Variants in ABCG8 observed in about 807,000 individuals in gnomAD.
ABCG8 encodes ATP-binding cassette sub-family G member 8.
ABCG8 carries 81 observed loss-of-function variants against 71.3 expected under a neutral mutation model. The observed-to-expected ratio is 1.14, with a 90% CI of 0.95 to 1.37. The LOEUF is 1.37. Among genes scored for constraint, ABCG8 ranks in the 40% most tolerant of loss-of-function variants. The pLI is 0.00. For missense variants in ABCG8, 1,119 were observed against 866.2 expected (o/e 1.29, Z -3.66); for synonymous variants, 451 against 354.7 (o/e 1.27, Z -3.05).
rs758178357 is a variant in ABCG8, at chr2:43,851,595, G to C, written c.334G>C (p.Ala112Pro). ...AIIGSSGCGR[A>P]SLLDVITGRG... ...TGGTGGCTTTGCAGGTTGTGGGAGA[G>C]CCTCCTTGCTAGATGTGATCACTGG... The change falls in exon 4 of 13, where the codon GCC (alanine) becomes CCC (proline). Residue 112 changes from alanine to proline, a missense_variant. Transcript: ENST00000272286. 2 of 1,614,244 alleles carry C rather than the reference G, an allele frequency of 1.2e-6. No homozygotes were observed. Among genetic ancestry groups the C allele is most frequent in the South Asian group, 1.1e-5 (1 of 91,090 alleles).
intron 8 of ABCG8, 125 bp from the exon 9 acceptor site, chr2:43,873,662 A>G: frequency 1.1e-6 from 1 of 900,616 alleles, no homozygotes; most frequent in Non-Finnish European, 1.8e-6. Flanking sequence ...CCACTCTATG[A>G]GGCAGGTATT....
intron 1 of ABCG8, among the ~76,000 whole-genome samples, chr2:43,842,518 TC>T (rs1007849774): frequency 1.3e-5 from 2 of 152,076 alleles, no homozygotes; most frequent in African/African-American, 4.8e-5. Flanking sequence ...TCAACCTCCC[TC>T]CTGCTTGGGG....
chr2:43,848,595 G>C (rs1219907187), intron 3 of ABCG8: 1 of 152,214 alleles, frequency 6.6e-6, no homozygotes, highest in Non-Finnish European at 1.5e-5. Flanking sequence ...CTGAGCAGCT[G>C]AAATTATTAA....
intron 6 of ABCG8, among the ~76,000 whole-genome samples, chr2:43,866,089 T>TG (rs1669524046): frequency 6.6e-6 from 1 of 151,988 alleles, no homozygotes; most frequent in Non-Finnish European, 1.5e-5. Flanking sequence ...AAACAAGCAA[T>TG]GGGGAAAGGA....
chr2:43,865,149 T>C (rs528016335), intron 6 of ABCG8, among the ~76,000 whole-genome samples: 68 of 151,694 alleles, frequency 4.5e-4, no homozygotes, highest in South Asian at 4.4e-3. Flanking sequence ...CATGGAACTC[T>C]CACTATCTGT....
chr2:43,840,812 C>T (rs908665793), intron 1 of ABCG8, among the ~76,000 whole-genome samples: 12 of 152,312 alleles, frequency 7.9e-5, no homozygotes, highest in Non-Finnish European at 1.5e-4. Context: ...GGGCCCTCAA[C>T]ACCCTGGATG....
At chr2:43,853,792 A>C (rs989519857) in intron 6 of ABCG8, among the ~76,000 whole-genome samples, 3 of 152,186 alleles carry the variant, frequency 2.0e-5, no homozygotes, top group African/African-American at 7.2e-5. Flanking sequence ...AAGGCACAGA[A>C]CTGGGACTGG....
At chr2:43,847,403 T>G (rs1330585319) in intron 3 of ABCG8, 1 of 152,044 alleles carries the variant, frequency 6.6e-6, no homozygotes, top group Non-Finnish European at 1.5e-5. Context: ...AATCCTGACC[T>G]AAATAAGAAA....
intron 1 of ABCG8, among the ~76,000 whole-genome samples, chr2:43,841,531 G>A (rs1015766623): frequency 6.6e-6 from 1 of 152,138 alleles, no homozygotes; most frequent in Admixed American, 6.5e-5. Flanking sequence ...AACAGAGGTC[G>A]TCCCCAACCC....
At chr2:43,865,106 C>G (rs4603817) in intron 6 of ABCG8, among the ~76,000 whole-genome samples, 66,046 of 151,226 alleles carry the variant, frequency 0.44, 15,148 homozygotes, top group East Asian at 0.86. Context: ...CTGGATAGAA[C>G]GCTCACTGTC....
chr2:43,858,743 T>G (rs72496671), intron 6 of ABCG8, among the ~76,000 whole-genome samples: 1 of 146,594 alleles, frequency 6.8e-6, no homozygotes, highest in East Asian at 2.1e-4. Flanking sequence ...GAACTCTCAC[T>G]ATCTGGATAG....
chr2:43,880,362 C>T lies in ABCG8; in HGVS notation c.*2449C>T, dbSNP rs950423841. ...CTAATTTTTGTATTTTTAGTAAAGA[C>T]AGTGTTTCACCATATTGGCCAGACT... On this transcript the variant is annotated 3_prime_UTR_variant, in exon 13 of 13. Coordinates refer to ENST00000272286, the MANE Select transcript of ABCG8 (RefSeq NM_022437.3). 3.3e-5 allele frequency: 5 copies of T among 152,016 alleles called. No individual in the cohort carries two copies. The highest frequency in any genetic ancestry group is 3.9e-4 in the East Asian group (2 of 5,168). 9.4% of individuals were successfully genotyped at this position (152,016 alleles called of 1,614,324 possible). A position where few individuals can be genotyped will look rare whatever the true frequency, so the allele number is the denominator to read the frequency against.
chr2:43,854,270 G>T (rs1669024783), intron 6 of ABCG8, among the ~76,000 whole-genome samples: 1 of 152,146 alleles, frequency 6.6e-6, no homozygotes, highest in Non-Finnish European at 1.5e-5. Context: ...TGCACACTAG[G>T]GGGCCACATC....
chr2:43,874,454 T>C lies in ABCG8; in HGVS notation c.1459T>C (p.Tyr487His). 1.2e-6 allele frequency: 2 copies of C among 1,613,968 alleles called. No individual in the cohort carries two copies. The highest frequency in any genetic ancestry group is 8.5e-7 in the Non-Finnish European group (1 of 1,179,918). Residue 487 changes from tyrosine to histidine, a missense_variant, in exon 10 of 13, where the codon TAC (tyrosine) becomes CAC (histidine). Tyr to His is a moderately conservative substitution (Grantham distance 83, BLOSUM62 2). Transcript: ENST00000272286. ...MLYYELEDGL[Y>H]TTGPYFFAKI... ...TTACTATGAACTGGAAGACGGGCTG[T>C]ACACCACTGGTCCATATTTCTTTGC...
Position 43,880,764 on chromosome 2 carries a change from G to A in ABCG8, c.*2851G>A, listed in dbSNP as rs561534732. On this transcript the variant is annotated 3_prime_UTR_variant, in exon 13 of 13. Coordinates refer to ENST00000272286, the MANE Select transcript of ABCG8 (RefSeq NM_022437.3). ...TCCAGCATCACAGAGTTGATCCTAG[G>A]TTCTTCCCTCTTCTCTAATTGTGAG... The A allele has an allele frequency of 2.3e-4, 35 of 152,310 alleles. No individual in the cohort carries two copies. The highest frequency in any genetic ancestry group is 8.4e-4 in the African/African-American group (35 of 41,574). 9.4% of individuals were successfully genotyped at this position (152,310 alleles called of 1,614,324 possible).
intron 1 of ABCG8, among the ~76,000 whole-genome samples, chr2:43,842,086 A>T (rs962944720): frequency 6.6e-6 from 1 of 151,074 alleles, no homozygotes; most frequent in African/African-American, 2.4e-5. Flanking sequence ...GGCTCCCTGC[A>T]CCTCCACCTG....
chr2:43,852,753 C>T lies in ABCG8; in HGVS notation c.849C>T (p.Val283=). ...ACATCTTCAGGCTGTTTGATCTGGT[C>T]CTCCTGATGACGTCTGGCACCCCCA... ...RSDIFRLFDL[V]LLMTSGTPIY... The change falls in exon 6 of 13, where the codon GTC becomes GTT. Residue 283 remains valine (V), a synonymous_variant. Coordinates refer to ENST00000272286, the MANE Select transcript of ABCG8 (RefSeq NM_022437.3). The T allele has an allele frequency of 6.2e-7, 1 of 1,614,184 alleles. No individual in the cohort carries two copies. Among genetic ancestry groups the T allele is most frequent in the Non-Finnish European group, 8.5e-7 (1 of 1,180,030 alleles).
In ABCG8 at chr2:43,875,214, C is replaced by T. The variant is rs368114257; in HGVS notation, c.1557C>T (p.Ala519=). 4 of 1,614,120 alleles carry T rather than the reference C, an allele frequency of 2.5e-6. No homozygotes were observed. The African/African-American group carries it at 4.0e-5, about 16-fold the overall frequency. Residue 519 remains alanine, a synonymous_variant, in exon 11 of 13, where the codon GCC becomes GCT. Transcript: ENST00000272286. ...IIYGMPTYWL[A]NLRPGLQPFL... ...ACGGGATGCCCACCTACTGGCTGGC[C>T]AACCTGAGGCCAGGCCTCCAGCCCT... is the stretch of plus-strand genomic sequence containing the variant.
At chr2:43,855,189 G>A (rs947560541) in intron 6 of ABCG8, among the ~76,000 whole-genome samples, 17 of 150,590 alleles carry the variant, frequency 1.1e-4, no homozygotes, top group African/African-American at 3.4e-4. Context: ...TATAATTGTC[G>A]CCCTCTGAAT....
Sources: gnomAD v4.1 joint callset for allele counts (sites outside exome capture counted in the v4.1 genomes callset) on GRCh38, gnomAD v4.1.1 for gene constraint, MANE v1.5 for transcripts, NCBI Gene and HGNC (gene_info 2026-07-23, HGNC 2026-07-21) for gene names.